OTOF: variants seen among roughly 807,000 people sequenced by gnomAD.
OTOF encodes the protein fer-1-like family member 2.
A neutral mutation model predicts 236.8 loss-of-function variants in OTOF; 218 were observed. The observed-to-expected ratio is 0.92, with a 90% CI of 0.82 to 1.03. OTOF has a LOEUF of 1.03. Among genes scored for constraint, OTOF ranks in the 50% least tolerant of loss-of-function variants. The probability of loss-of-function intolerance (pLI) is 0.00; values close to 1 mark genes in which losing one functional copy is unlikely to be tolerated. For synonymous variants in OTOF, 1,041 were observed against 1,072.5 expected (o/e 0.97, Z 0.57); for missense variants, 2,590 against 2,694.4 (o/e 0.96, Z 0.86).
chr2:26,552,693 T>C (rs1406975015), intron 1 of OTOF, among the ~76,000 whole-genome samples: 1 of 151,712 alleles, frequency 6.6e-6, no homozygotes, highest in African/African-American at 2.4e-5. Flanking sequence ...ATTCACTACG[T>C]GGGGCATTAG....
At chr2:26,555,110 G>A (rs1009133539) in intron 1 of OTOF, among the ~76,000 whole-genome samples, 1 of 152,198 alleles carries the variant, frequency 6.6e-6, no homozygotes, top group African/African-American at 2.4e-5. Context: ...TGTGATTGAT[G>A]TAGGGAACTA....
chr2:26,513,351 G>C (rs903937383), intron 5 of OTOF, among the ~76,000 whole-genome samples: 1 of 152,152 alleles, frequency 6.6e-6, no homozygotes, highest in African/African-American at 2.4e-5. Context: ...GGGCAGGGCT[G>C]GGGGGTGGAC....
At chr2:26,537,076 A>T (rs1667089321) in intron 2 of OTOF, among the ~76,000 whole-genome samples, 1 of 152,112 alleles carries the variant, frequency 6.6e-6, no homozygotes, top group Non-Finnish European at 1.5e-5. Context: ...AATTGTGACA[A>T]CAGCCCAGCT....
In OTOF at chr2:26,470,444, G is replaced by A; in HGVS notation, c.4023+149C>T. ...CATCATCTTGGAAGGTGAGTTCTGA[G>A]CTAGGATTTCAAGGATGTGAGACAA... On this transcript the variant is annotated intron_variant, in intron 32 of 46. Coordinates refer to ENST00000272371, the MANE Select transcript of OTOF (RefSeq NM_194248.3). The surrounding 1 kb of genome is among the most constrained non-coding windows in gnomAD (Gnocchi z 4.3). 1 of 802,064 alleles carries A rather than the reference G, an allele frequency of 1.2e-6. No homozygotes were observed. Among genetic ancestry groups the A allele is most frequent in the Non-Finnish European group, 2.1e-6 (1 of 468,466 alleles). The allele number at this position is 802,064 out of a possible 1,614,324, so 49.7% of individuals were successfully genotyped here.
Position 26,461,979 on chromosome 2 carries a change from G to A in OTOF, c.5292-42C>T, listed in dbSNP as rs995496151. ...TCCAGACCCGCAGCCAGGCTGGTGG[G>A]GCCTCTCCCACCCACAGCCACCTTC... On this transcript the variant is annotated intron_variant, in intron 42 of 46. Transcript: ENST00000272371. The surrounding 1 kb of genome is among the most constrained non-coding windows in gnomAD (Gnocchi z 6.2). The A allele has an allele frequency of 6.2e-7, 1 of 1,613,424 alleles. No individual in the cohort carries two copies. The highest frequency in any genetic ancestry group is 8.5e-7 in the Non-Finnish European group (1 of 1,179,858).
At chr2:26,511,974 C>A (rs971702403) in intron 5 of OTOF, among the ~76,000 whole-genome samples, 1 of 152,228 alleles carries the variant, frequency 6.6e-6, no homozygotes, top group African/African-American at 2.4e-5. Context: ...AGAGCCCCAC[C>A]ATGCACACGT....
At chr2:26,523,599 G>C (rs1279334106) in intron 3 of OTOF, among the ~76,000 whole-genome samples, 1 of 152,056 alleles carries the variant, frequency 6.6e-6, no homozygotes, top group Admixed American at 6.5e-5. Context: ...CTTCAGAGAA[G>C]AGGGGCCACT....
intron 2 of OTOF, among the ~76,000 whole-genome samples, chr2:26,533,493 G>A (rs1287081071): frequency 6.6e-6 from 1 of 152,128 alleles, no homozygotes; most frequent in Non-Finnish European, 1.5e-5. Context: ...AGAGTTGTAA[G>A]TTAAATGTAG....
intron 2 of OTOF, among the ~76,000 whole-genome samples, chr2:26,536,923 C>T (rs1012819712): frequency 3.3e-5 from 5 of 152,264 alleles, no homozygotes; most frequent in South Asian, 2.1e-4. Context: ...GCAGGCTGCT[C>T]GAGCTGGTGT....
At chr2:26,508,784 A>G (rs1457952698) in intron 5 of OTOF, among the ~76,000 whole-genome samples, 1 of 152,226 alleles carries the variant, frequency 6.6e-6, no homozygotes, top group African/African-American at 2.4e-5. Flanking sequence ...GCTTTGCCAC[A>G]CATTAACATT....
chr2:26,553,184 C>T (rs1222679590), intron 1 of OTOF, among the ~76,000 whole-genome samples: 2 of 152,196 alleles, frequency 1.3e-5, no homozygotes, highest in Admixed American at 6.5e-5. Context: ...ACTCAGCAGG[C>T]CCACTGCTCC....
chr2:26,503,379 T>C (rs945228033), intron 6 of OTOF, among the ~76,000 whole-genome samples: 3 of 152,210 alleles, frequency 2.0e-5, no homozygotes, highest in African/African-American at 7.2e-5. Flanking sequence ...GGCTGCAGCC[T>C]GGTGAGAGCG....
At chr2:26,544,132 T>C (rs913470730) in intron 1 of OTOF, among the ~76,000 whole-genome samples, 3 of 152,362 alleles carry the variant, frequency 2.0e-5, no homozygotes, top group Middle Eastern at 3.4e-3. Context: ...ATAATTTTTT[T>C]CCTCATCTTA....
rs1167616050 is a variant in OTOF, at chr2:26,479,619, C to T, written c.1947G>A (p.Arg649=). The T allele has an allele frequency of 6.2e-7, 1 of 1,612,610 alleles. No homozygotes were observed. ...NYGNEVDGLS[R]PQRPRPRKEP... ...CCTTCCGGGGCCGAGGCCGCTGGGG[C>T]CGGGACAGGCCATCAACTTCGTTCC... Residue 649 remains arginine (R), a synonymous_variant, in exon 17 of 47, where the codon CGG becomes CGA. Coordinates refer to ENST00000272371, the MANE Select transcript of OTOF (RefSeq NM_194248.3).
At chr2:26,499,293 C>T (rs545639638) in intron 8 of OTOF, among the ~76,000 whole-genome samples, 12 of 152,144 alleles carry the variant, frequency 7.9e-5, no homozygotes, top group East Asian at 3.9e-4. Flanking sequence ...AGCATGGGTA[C>T]GCCGCGGTCC....
intron 3 of OTOF, among the ~76,000 whole-genome samples, chr2:26,524,156 G>A (rs1463079700): frequency 6.6e-6 from 1 of 152,236 alleles, no homozygotes; most frequent in African/African-American, 2.4e-5. Flanking sequence ...GGGAAGAAGA[G>A]GAGAGTTAGG....
intron 5 of OTOF, among the ~76,000 whole-genome samples, chr2:26,510,496 C>T (rs959307355): frequency 6.6e-6 from 1 of 151,990 alleles, no homozygotes; most frequent in Non-Finnish European, 1.5e-5. Flanking sequence ...CTGGCCACCT[C>T]CCCCGCGACC....
chr2:26,549,634 C>G (rs1411905581), intron 1 of OTOF, among the ~76,000 whole-genome samples: 1 of 152,196 alleles, frequency 6.6e-6, no homozygotes, highest in East Asian at 1.9e-4. Context: ...ATGTATTTCC[C>G]CTTAACCCAC....
At position 26,460,249 on chromosome 2, in the gene OTOF, A is replaced by G; in HGVS notation, c.5814-44T>C. 6.6e-7 allele frequency: 1 copy of G among 1,516,948 alleles called. No individual in the cohort carries two copies. Among genetic ancestry groups the G allele is most frequent in the Non-Finnish European group, 9.0e-7 (1 of 1,108,986 alleles). The allele number at this position is 1,516,948 out of a possible 1,614,324, so 94.0% of individuals were successfully genotyped here. A position where few individuals can be genotyped will look rare whatever the true frequency, so the allele number is the denominator to read the frequency against. ...AGAGCGCAGAGGAGGGACAGGGAGG[A>G]GAAGGGATTGGGTGTGGCGAGGGGC... On this transcript the variant is annotated intron_variant, in intron 45 of 46. Coordinates refer to ENST00000272371, the MANE Select transcript of OTOF (RefSeq NM_194248.3). This position sits in a 1 kb window ranked among gnomAD's most constrained non-coding sequence, Gnocchi z 5.3.
Sources: allele counts gnomAD v4.1 joint callset (sites outside exome capture counted in the v4.1 genomes callset), GRCh38; gene constraint gnomAD v4.1.1; non-coding constraint Gnocchi (gnomAD v3.1); transcripts MANE v1.5; gene names NCBI Gene and HGNC (gene_info 2026-07-23, HGNC 2026-07-21).